Variants in RASGEF1C observed in about 807,000 individuals in gnomAD.
RASGEF1C encodes RasGEF domain family member 1C.
In RASGEF1C, 27 loss-of-function variants were observed where a neutral mutation model predicts 58.1. The observed-to-expected ratio is 0.46, with a 90% confidence interval of 0.34 to 0.64. RASGEF1C has a LOEUF of 0.64. RASGEF1C is among the 30% of genes least tolerant of loss of function. RASGEF1C has a pLI of 0.01. For synonymous variants in RASGEF1C, 243 were observed against 246.3 expected, an observed-to-expected ratio of 0.99 and a Z score of 0.13; for missense variants, 502 against 605.1, an observed-to-expected ratio of 0.83 and a Z score of 1.79.
intron 1 of RASGEF1C, among the ~76,000 whole-genome samples, chr5:180,139,119 C>T (rs928316862): frequency 2.6e-5 from 4 of 152,156 alleles, no homozygotes; most frequent in East Asian, 1.9e-4. Flanking sequence ...CTCTGAGTGA[C>T]GGGCCTGGCA....
intron 1 of RASGEF1C, among the ~76,000 whole-genome samples, chr5:180,193,935 C>T (rs996526583): frequency 9.2e-5 from 14 of 151,906 alleles, no homozygotes; most frequent in Non-Finnish European, 1.9e-4. Flanking sequence ...GAAGACCGGC[C>T]GGGCATTGCG....
intron 6 of RASGEF1C, among the ~76,000 whole-genome samples, chr5:180,122,613 T>C (rs10068778): frequency 0.57 from 87,051 of 151,404 alleles, 25,473 homozygotes; most frequent in East Asian, 0.74. Context: ...TGGTGGTGGG[T>C]GCCTGTAATC....
rs561232291 is a variant in RASGEF1C, at chr5:180,188,574, G to A, written c.-7+20454C>T. Reference sequence around the variant, plus strand: ...GTTCCCCAACTGGATAAAAGGCATCGGTGAGAAACCTGCACTTACATCATA... The same window carrying A: ...GTTCCCCAACTGGATAAAAGGCATCAGTGAGAAACCTGCACTTACATCATA... On this transcript the variant is annotated intron_variant, in intron 1 of 13. Transcript: ENST00000361132. 4.6e-5 allele frequency among the ~76,000 whole-genome samples: 7 copies of A among 152,220 alleles called. No individual in the cohort carries two copies. The South Asian group carries it at 6.2e-4, about 14-fold the overall frequency.
intron 1 of RASGEF1C, among the ~76,000 whole-genome samples, chr5:180,207,852 T>C (rs1756516682): frequency 6.6e-6 from 1 of 152,054 alleles, no homozygotes; most frequent in Non-Finnish European, 1.5e-5. Context: ...ACAGCCTCCC[T>C]GACCAGACGA....
At chr5:180,169,988 TG>T (rs1296045695) in intron 1 of RASGEF1C, among the ~76,000 whole-genome samples, 1 of 152,172 alleles carries the variant, frequency 6.6e-6, no homozygotes, top group Non-Finnish European at 1.5e-5. Flanking sequence ...CACACGGCAC[TG>T]GCTGCCCAGC....
chr5:180,174,581 T>C (rs1422561663), intron 1 of RASGEF1C, among the ~76,000 whole-genome samples: 3 of 149,550 alleles, frequency 2.0e-5, no homozygotes, highest in Middle Eastern at 3.4e-3. Flanking sequence ...TGTCTGTGTG[T>C]GCGCACGTGT....
chr5:180,133,105 T>C (rs891541532), intron 4 of RASGEF1C, among the ~76,000 whole-genome samples: 1 of 152,142 alleles, frequency 6.6e-6, no homozygotes, highest in African/African-American at 2.4e-5. Context: ...CCTTCAGCCT[T>C]GGCACTGGCC....
At chr5:180,195,640 TAG>T (rs1756257808) in intron 1 of RASGEF1C, among the ~76,000 whole-genome samples, 5 of 151,788 alleles carry the variant, frequency 3.3e-5, no homozygotes. Context: ...CGGGCGCCTG[TAG>T]TCCCAGCTAC....
At chr5:180,162,601 C>T (rs1766958968) in intron 1 of RASGEF1C, among the ~76,000 whole-genome samples, 1 of 152,248 alleles carries the variant, frequency 6.6e-6, no homozygotes, top group Admixed American at 6.5e-5. Flanking sequence ...CACATTTGAT[C>T]AACAAGCTCC....
chr5:180,154,131 C>T lies in RASGEF1C; in HGVS notation c.-6-16073G>A, dbSNP rs577886885. ...GCGCCCAGAAGCTCCGAGAAGAGGC[C>T]GGAATTCTAAGTTTTCTTACAGGGC... On this transcript the variant is annotated intron_variant, in intron 1 of 13. Coordinates refer to ENST00000361132, the MANE Select transcript of RASGEF1C (RefSeq NM_175062.4). 2.4e-4 allele frequency among the ~76,000 whole-genome samples: 36 copies of T among 152,260 alleles called. 1 individual carries two copies. The highest frequency in any genetic ancestry group is 2.1e-3 in the Admixed American group (32 of 15,294).
chr5:180,182,970 C>T (rs987848245), intron 1 of RASGEF1C, among the ~76,000 whole-genome samples: 9 of 152,192 alleles, frequency 5.9e-5, no homozygotes, highest in African/African-American at 2.2e-4. Context: ...TGATGGATGT[C>T]ACTCCTGTGA....
At chr5:180,113,241 GAGGGACCGAGGATGGACGGAGGGACCGA>G (rs1765995916) in intron 11 of RASGEF1C, among the ~76,000 whole-genome samples, 3 of 61,572 alleles carry the variant, frequency 4.9e-5, no homozygotes, top group Non-Finnish European at 7.0e-5. Context: ...GGGATGGACG[GAGGGACCGAGGATGGACGGAGGGACCGA>G]GGATGGACGG....
At chr5:180,121,803 T>A (rs1418867970) in intron 6 of RASGEF1C, among the ~76,000 whole-genome samples, 6 of 152,206 alleles carry the variant, frequency 3.9e-5, no homozygotes, top group African/African-American at 2.4e-5. Flanking sequence ...GGCAAAAATA[T>A]CGAAGTCATG....
intron 1 of RASGEF1C, among the ~76,000 whole-genome samples, chr5:180,159,928 A>G (rs1581113372): frequency 6.6e-6 from 1 of 152,214 alleles, no homozygotes; most frequent in African/African-American, 2.4e-5. Flanking sequence ...CTGCCCAGCC[A>G]ACACGTGGGG....
chr5:180,203,948 A>T lies in RASGEF1C; in HGVS notation c.-7+5080T>A, dbSNP rs72823732. Among the ~76,000 whole-genome samples, 5 of 151,960 alleles carry T rather than the reference A, an allele frequency of 3.3e-5. No homozygotes were observed. The East Asian group carries it at 9.7e-4, about 29-fold the overall frequency. ...GCAGAGGTTGGAGTGAGCCGAGATC[A>T]TGCCACTGCACTCTAGCCTGGGCGA... On this transcript the variant is annotated intron_variant, in intron 1 of 13. Coordinates refer to ENST00000361132, the MANE Select transcript of RASGEF1C (RefSeq NM_175062.4).
intron 10 of RASGEF1C, among the ~76,000 whole-genome samples, chr5:180,117,544 C>T (rs1240058801): frequency 6.6e-6 from 1 of 152,182 alleles, no homozygotes; most frequent in Non-Finnish European, 1.5e-5. Context: ...AGATGAACAA[C>T]TCTAATCATC....
chr5:180,150,978 A>AGAAT (rs932499561), intron 1 of RASGEF1C, among the ~76,000 whole-genome samples: 13 of 151,254 alleles, frequency 8.6e-5, no homozygotes, highest in Admixed American at 2.0e-4. Flanking sequence ...TGCTTCAAAG[A>AGAAT]GAATAAAATA....
intron 6 of RASGEF1C, among the ~76,000 whole-genome samples, chr5:180,124,760 G>A (rs1453322513): frequency 6.6e-6 from 1 of 152,114 alleles, no homozygotes; most frequent in Non-Finnish European, 1.5e-5. Flanking sequence ...GGAGGCGGAC[G>A]TTGTAGTGAG....
chr5:180,109,262 C>A (rs931328971), intron 12 of RASGEF1C, among the ~76,000 whole-genome samples: 2 of 152,216 alleles, frequency 1.3e-5, no homozygotes, highest in Non-Finnish European at 1.5e-5. Flanking sequence ...TGAGACCATC[C>A]TGGCTAACAT....
Sources: gnomAD v4.1 joint callset for allele counts (sites outside exome capture counted in the v4.1 genomes callset) on GRCh38, gnomAD v4.1.1 for gene constraint, MANE v1.5 for transcripts, NCBI Gene and HGNC (gene_info 2026-07-23, HGNC 2026-07-21) for gene names.